The following SGMS2 variants were observed in gnomAD, a reference collection of about 807,000 sequenced individuals.
The protein encoded by SGMS2 is sphingomyelin synthase 2.
A neutral mutation model predicts 43.8 loss-of-function variants in SGMS2; 21 were observed. That is an observed-to-expected ratio of 0.48 (90% confidence interval 0.34 to 0.69). The LOEUF (loss-of-function observed/expected upper bound fraction) is 0.69, where lower values mean the gene tolerates loss of function less well. SGMS2 is among the 30% of genes least tolerant of loss of function. The pLI is 0.01. For missense variants in SGMS2, 384 were observed against 443.2 expected, an observed-to-expected ratio of 0.87 and a Z score of 1.20; for synonymous variants, 167 against 160.6, an observed-to-expected ratio of 1.04 and a Z score of -0.30.
chr4:107,827,717 G>T (rs921259877), intron 1 of SGMS2, among the ~76,000 whole-genome samples: 1 of 152,164 alleles, frequency 6.6e-6, no homozygotes, highest in Non-Finnish European at 1.5e-5. Flanking sequence ...TGGGTGCAGT[G>T]GCTCACACCT....
At chr4:107,892,018 G>A (rs1393211415) in intron 2 of SGMS2, among the ~76,000 whole-genome samples, 3 of 151,674 alleles carry the variant, frequency 2.0e-5, no homozygotes, top group African/African-American at 7.3e-5. Flanking sequence ...AAGTTTCTCG[G>A]GCTGCTTTCT....
At chr4:107,909,495 C>T (rs913742556) in intron 6 of SGMS2, among the ~76,000 whole-genome samples, 1 of 152,196 alleles carries the variant, frequency 6.6e-6, no homozygotes, top group Non-Finnish European at 1.5e-5. Flanking sequence ...TAATGGTGCT[C>T]TCTGGCTTCC....
At position 107,858,883 on chromosome 4, in the gene SGMS2, A is replaced by C. The variant is rs571597989; in HGVS notation, c.-245+330A>C. Reference sequence around the variant, plus strand: ...GTTTGCATTACTGCCAAAAGAGAGCACTCAATTAACTGTCTCAACCATGCC... The same window carrying C: ...GTTTGCATTACTGCCAAAAGAGAGCCCTCAATTAACTGTCTCAACCATGCC... On this transcript the variant is annotated intron_variant, in intron 2 of 6. Coordinates refer to ENST00000690982, the MANE Select transcript of SGMS2 (RefSeq NM_001375905.1). Among the ~76,000 whole-genome samples, 32 of 152,322 alleles carry C rather than the reference A, an allele frequency of 2.1e-4. No individual in the cohort carries two copies. The South Asian group carries it at 6.6e-3, about 32-fold the overall frequency.
At chr4:107,852,383 T>G (rs1006485656) in intron 1 of SGMS2, among the ~76,000 whole-genome samples, 1 of 152,174 alleles carries the variant, frequency 6.6e-6, no homozygotes, top group African/African-American at 2.4e-5. Flanking sequence ...GGTAGCTATT[T>G]GGAAATGTGT....
In SGMS2 at chr4:107,849,972, A is replaced by G. The variant is rs572233344; in HGVS notation, c.-326-8500A>G. Among the ~76,000 whole-genome samples, 214 of 152,300 alleles carry G rather than the reference A, an allele frequency of 1.4e-3. 1 individual carries two copies. Among genetic ancestry groups the G allele is most frequent in the African/African-American group, 4.8e-3 (201 of 41,572 alleles). On this transcript the variant is annotated intron_variant, in intron 1 of 6. Coordinates refer to ENST00000690982, the MANE Select transcript of SGMS2 (RefSeq NM_001375905.1). ...CACCCAAATATCATGTTGAATTATA[A>G]TCCCCAGTATTGGATGTGGGGCCTG...
intron 4 of SGMS2, among the ~76,000 whole-genome samples, chr4:107,902,612 G>A (rs372749599): frequency 9.9e-5 from 15 of 152,136 alleles, no homozygotes; most frequent in Non-Finnish European, 1.6e-4. Context: ...GCCTCCTGCC[G>A]TAGCACACAG....
At chr4:107,863,844 GA>G (rs1727923861) in intron 2 of SGMS2, 1 of 152,172 alleles carries the variant, frequency 6.6e-6, no homozygotes, top group African/African-American at 2.4e-5. Context: ...TATTTATACA[GA>G]CACATTAGTG....
At chr4:107,857,774 T>C (rs995356987) in intron 1 of SGMS2, among the ~76,000 whole-genome samples, 1 of 152,210 alleles carries the variant, frequency 6.6e-6, no homozygotes, top group Non-Finnish European at 1.5e-5. Context: ...TGACAGATTA[T>C]GCACAGCACA....
At position 107,906,313 on chromosome 4, in the gene SGMS2, A is replaced by G. The variant is rs567378456; in HGVS notation, c.728-2252A>G. ...CACATGAAGATGTGGCACCAGGACC[A>G]TTTCGGGGTTAGCAAGGGAGGGCTT... is the stretch of plus-strand genomic sequence containing the variant. On this transcript the variant is annotated intron_variant, in intron 5 of 6. Transcript: ENST00000690982. Among the ~76,000 whole-genome samples the G allele has an allele frequency of 6.7e-4, 102 of 152,294 alleles. 6 individuals are homozygous for G. In the South Asian group the frequency reaches 0.021, roughly 31 times the overall value.
intron 1 of SGMS2, among the ~76,000 whole-genome samples, chr4:107,839,903 A>G (rs939420926): frequency 2.6e-5 from 4 of 152,098 alleles, no homozygotes; most frequent in African/African-American, 4.8e-5. Flanking sequence ...CCTTTATTCT[A>G]TAATAATTAA....
intron 2 of SGMS2, among the ~76,000 whole-genome samples, chr4:107,881,371 A>C (rs1219471385): frequency 1.3e-5 from 2 of 152,166 alleles, no homozygotes; most frequent in Admixed American, 6.5e-5. Context: ...TTAGGCACAG[A>C]GGCTCCTGAG....
chr4:107,827,494 A>G (rs557002958), intron 1 of SGMS2, among the ~76,000 whole-genome samples: 4 of 152,324 alleles, frequency 2.6e-5, no homozygotes, highest in South Asian at 2.1e-4. Flanking sequence ...ACTGATAATA[A>G]GAGATCTGGT....
intron 2 of SGMS2, among the ~76,000 whole-genome samples, chr4:107,869,714 G>T (rs192414255): frequency 2.7e-4 from 41 of 152,080 alleles, no homozygotes; most frequent in Admixed American, 2.0e-4. Context: ...AAATTACATG[G>T]TCTCTGAGAC....
chr4:107,880,173 AT>A (rs975042418), intron 2 of SGMS2, among the ~76,000 whole-genome samples: 18 of 150,514 alleles, frequency 1.2e-4, no homozygotes, highest in African/African-American at 3.7e-4. Context: ...TTTTACCTGA[AT>A]TTTTTTTTTA....
rs1175948322 is a variant in SGMS2, at chr4:107,824,950, G to A, written c.-630G>A. ...GGTCAACACTGAGCGCCGCGCCGTG[G>A]GCCGAGTGGGGCGGGGAGACCCAGC... On this transcript the variant is annotated 5_prime_UTR_variant, in exon 1 of 7. Coordinates refer to ENST00000690982, the MANE Select transcript of SGMS2 (RefSeq NM_001375905.1). 1 of 151,224 alleles carries A rather than the reference G, an allele frequency of 6.6e-6. No individual in the cohort carries two copies. Among genetic ancestry groups the A allele is most frequent in the Admixed American group, 6.6e-5 (1 of 15,166 alleles). The allele number at this position is 151,224 out of a possible 1,614,324, so 9.4% of individuals were successfully genotyped here.
intron 1 of SGMS2, among the ~76,000 whole-genome samples, chr4:107,834,118 G>A (rs1304566175): frequency 1.3e-5 from 2 of 152,264 alleles, no homozygotes; most frequent in Non-Finnish European, 2.9e-5. Context: ...TTGTGGTAGA[G>A]CAGCAGTAGA....
rs1426001696 is a variant in SGMS2, at chr4:107,887,671, A to C, written c.-244-7639A>C. Among the ~76,000 whole-genome samples the C allele has an allele frequency of 2.6e-5, 4 of 152,296 alleles. 1 individual carries two copies. The East Asian group carries it at 5.8e-4, about 22-fold the overall frequency. On this transcript the variant is annotated intron_variant, in intron 2 of 6. Transcript: ENST00000690982. Reference sequence around the variant, plus strand: ...TTGTCAAATATCAAAAGTTTAAAACACTTGATATCACAAAATAGGATCACA... The same window carrying C: ...TTGTCAAATATCAAAAGTTTAAAACCCTTGATATCACAAAATAGGATCACA...
At chr4:107,831,646 G>A (rs1327095714) in intron 1 of SGMS2, among the ~76,000 whole-genome samples, 1 of 152,098 alleles carries the variant, frequency 6.6e-6, no homozygotes, top group Non-Finnish European at 1.5e-5. Flanking sequence ...ATTCTTTCTC[G>A]TTAAGGTGGC....
chr4:107,854,841 G>A (rs1578535589), intron 1 of SGMS2, among the ~76,000 whole-genome samples: 1 of 152,264 alleles, frequency 6.6e-6, no homozygotes. Context: ...GTCATATGGC[G>A]GTCTTCCCTG....
Sources: allele counts gnomAD v4.1 joint callset (sites outside exome capture counted in the v4.1 genomes callset), GRCh38; gene constraint gnomAD v4.1.1; transcripts MANE v1.5; gene names NCBI Gene and HGNC (gene_info 2026-07-23, HGNC 2026-07-21).